MACROD2: variants seen among roughly 807,000 people sequenced by gnomAD.
MACROD2 encodes mono-ADP ribosylhydrolase 2.
MACROD2 carries 36 observed loss-of-function variants against 70.4 expected under a neutral mutation model. That is an observed-to-expected ratio of 0.51 (90% CI 0.39 to 0.68). The LOEUF (loss-of-function observed/expected upper bound fraction) is 0.68. Ranked by LOEUF, MACROD2 falls within the 30% of genes least tolerant of loss-of-function variation. The pLI is 0.00. For synonymous variants in MACROD2, 172 were observed against 178.8 expected (o/e 0.96, Z 0.30); for missense variants, 496 against 538.4 (o/e 0.92, Z 0.78).
At chr20:15,452,547 G>A (rs2046657543) in intron 7 of MACROD2, among the ~76,000 whole-genome samples, 2 of 152,158 alleles carry the variant, frequency 1.3e-5, no homozygotes, top group African/African-American at 4.8e-5. Context: ...AAGTGGAAGA[G>A]TCTCTCTTCT....
At chr20:14,320,524 C>T (rs1487338907) in intron 3 of MACROD2, among the ~76,000 whole-genome samples, 2 of 152,164 alleles carry the variant, frequency 1.3e-5, no homozygotes, top group Non-Finnish European at 2.9e-5. Flanking sequence ...TGGAATTCAA[C>T]ACACTACAAA....
intron 3 of MACROD2, among the ~76,000 whole-genome samples, chr20:14,123,163 A>G (rs1314063065): frequency 1.3e-5 from 2 of 152,312 alleles, no homozygotes; most frequent in South Asian, 2.1e-4. Context: ...TTCTTAACCT[A>G]TGGCCCTTAT....
At chr20:15,166,086 G>T (rs2076381755) in intron 5 of MACROD2, among the ~76,000 whole-genome samples, 1 of 152,104 alleles carries the variant, frequency 6.6e-6, no homozygotes, top group Non-Finnish European at 1.5e-5. Flanking sequence ...TGCAGCTGGG[G>T]GTAGGAACAG....
intron 6 of MACROD2, among the ~76,000 whole-genome samples, chr20:15,352,230 C>G (rs2078235622): frequency 6.6e-6 from 1 of 152,128 alleles, no homozygotes; most frequent in Admixed American, 6.6e-5. Flanking sequence ...TTGCAAGACC[C>G]ATTATTTCTC....
chr20:15,817,642 C>T (rs557796294), intron 8 of MACROD2, among the ~76,000 whole-genome samples: 39 of 152,302 alleles, frequency 2.6e-4, no homozygotes, highest in African/African-American at 9.1e-4. Context: ...TGTTTCTTCT[C>T]TTAATCCCTG....
At chr20:14,617,273 T>A (rs1324127174) in intron 4 of MACROD2, among the ~76,000 whole-genome samples, 1 of 152,150 alleles carries the variant, frequency 6.6e-6, no homozygotes, top group Non-Finnish European at 1.5e-5. Flanking sequence ...TCATCCTAAG[T>A]CATTAGTGTG....
intron 5 of MACROD2, among the ~76,000 whole-genome samples, chr20:14,815,075 C>G (rs1167066384): frequency 6.6e-6 from 1 of 152,034 alleles, no homozygotes; most frequent in Non-Finnish European, 1.5e-5. Context: ...TTGCAGAACA[C>G]TGGGGCCTCA....
intron 6 of MACROD2, among the ~76,000 whole-genome samples, chr20:15,373,533 T>C (rs2045521455): frequency 6.6e-6 from 1 of 152,154 alleles, no homozygotes; most frequent in Non-Finnish European, 1.5e-5. Flanking sequence ...GCTTCCCAAG[T>C]AGCTTGGACT....
At chr20:14,154,414 T>C (rs1313808154) in intron 3 of MACROD2, among the ~76,000 whole-genome samples, 7 of 147,036 alleles carry the variant, frequency 4.8e-5, no homozygotes, top group African/African-American at 1.8e-4. Context: ...TGAGACGGAG[T>C]CTTGCTCTGT....
chr20:14,317,346 A>C (rs1467921845), intron 3 of MACROD2, among the ~76,000 whole-genome samples: 1 of 152,070 alleles, frequency 6.6e-6, no homozygotes, highest in African/African-American at 2.4e-5. Context: ...CTGGGTGGGC[A>C]CGGTGACTAA....
chr20:15,115,310 G>C (rs1259368009), intron 5 of MACROD2, among the ~76,000 whole-genome samples: 1 of 151,968 alleles, frequency 6.6e-6, no homozygotes, highest in Non-Finnish European at 1.5e-5. Context: ...GCTCACTGCT[G>C]TCTCCCTCCC....
intron 6 of MACROD2, among the ~76,000 whole-genome samples, chr20:15,328,410 G>A (rs2077955511): frequency 6.6e-6 from 1 of 152,054 alleles, no homozygotes; most frequent in South Asian, 2.1e-4. Flanking sequence ...TTTCAGCAGA[G>A]GAGAAAAACA....
chr20:15,163,774 G>T (rs1030581290), intron 5 of MACROD2, among the ~76,000 whole-genome samples: 3 of 151,458 alleles, frequency 2.0e-5, no homozygotes, highest in Admixed American at 6.6e-5. Context: ...GGTCCACAAA[G>T]CCTGATATAT....
intron 5 of MACROD2, among the ~76,000 whole-genome samples, chr20:14,939,140 T>G (rs1249683253): frequency 2.0e-5 from 3 of 152,026 alleles, no homozygotes; most frequent in Admixed American, 6.5e-5. Flanking sequence ...TTTTGCTGCC[T>G]CTGCTTTTGA....
At chr20:14,821,443 C>T (rs2072843577) in intron 5 of MACROD2, among the ~76,000 whole-genome samples, 1 of 151,960 alleles carries the variant, frequency 6.6e-6, no homozygotes. Flanking sequence ...CTCTGAGTAC[C>T]ATCTCTGTAA....
chr20:14,493,364 T>C lies in MACROD2; in HGVS notation c.272-115T>C, dbSNP rs988870566. On this transcript the variant is annotated intron_variant, in intron 3 of 17. Transcript: ENST00000684519. ...TTAAATGAAAGTAAATATTTTGTGT[T>C]TATGTATGTATATGAGACATATGAT... is the stretch of plus-strand genomic sequence containing the variant. 12 of 680,382 alleles carry C rather than the reference T, an allele frequency of 1.8e-5. No individual in the cohort carries two copies. The African/African-American group carries it at 2.2e-4, about 13-fold the overall frequency. The allele number at this position is 680,382 out of a possible 1,614,324, so 42.1% of individuals were successfully genotyped here.
intron 8 of MACROD2, among the ~76,000 whole-genome samples, chr20:15,769,032 G>T (rs1253370124): frequency 6.6e-6 from 1 of 152,164 alleles, no homozygotes; most frequent in Non-Finnish European, 1.5e-5. Flanking sequence ...CCTTCCTGAG[G>T]CTGTTTTACA....
chr20:15,415,098 G>C (rs1047502037), intron 6 of MACROD2, among the ~76,000 whole-genome samples: 1 of 152,048 alleles, frequency 6.6e-6, no homozygotes, highest in Admixed American at 6.6e-5. Flanking sequence ...ATAACTACAG[G>C]GCCAGTTGCA....
intron 8 of MACROD2, among the ~76,000 whole-genome samples, chr20:15,826,032 A>T (rs758126753): frequency 6.6e-6 from 1 of 152,346 alleles, no homozygotes; most frequent in African/African-American, 2.4e-5. Context: ...AACCTATTCC[A>T]GTGGAAACAA....
Sources: gnomAD v4.1 joint callset for allele counts (sites outside exome capture counted in the v4.1 genomes callset) on GRCh38, gnomAD v4.1.1 for gene constraint, MANE v1.5 for transcripts, NCBI Gene and HGNC (gene_info 2026-07-23, HGNC 2026-07-21) for gene names.